The following TENM3 variants were observed in gnomAD, a reference collection of about 807,000 sequenced individuals.
TENM3 encodes teneurin transmembrane protein 3.
Under a neutral mutation model 255.1 loss-of-function variants are expected in TENM3, and 63 were observed. That is an observed-to-expected ratio of 0.25 (90% CI 0.20 to 0.30). The LOEUF (loss-of-function observed/expected upper bound fraction) is 0.30, where lower values mean the gene tolerates loss of function less well. Ranked by LOEUF, TENM3 falls within the 10% of genes least tolerant of loss-of-function variation. The pLI is 1.00. For synonymous variants in TENM3, 1,306 were observed against 1,322.3 expected (o/e 0.99, Z 0.27); for missense variants, 2,929 against 3,461.1 (o/e 0.85, Z 3.86).
intron 3 of TENM3, among the ~76,000 whole-genome samples, chr4:182,445,886 T>C (rs527541147): frequency 9.8e-5 from 15 of 152,338 alleles, no homozygotes; most frequent in African/African-American, 3.4e-4. Flanking sequence ...TAGAAGGCGA[T>C]ATCCATAATG....
the TENM3 span, among the ~76,000 whole-genome samples, chr4:182,015,564 T>TTA: frequency 6.6e-6 from 1 of 151,842 alleles, no homozygotes; most frequent in East Asian, 1.9e-4. Context: ...ATTTATTTAT[T>TTA]TATTTATTTA....
At chr4:182,536,719 C>G (rs867862304) in intron 3 of TENM3, among the ~76,000 whole-genome samples, 14 of 152,174 alleles carry the variant, frequency 9.2e-5, no homozygotes, top group African/African-American at 3.1e-4. Context: ...CTTCATTCCT[C>G]AGCATGGAGC....
chr4:181,779,972 C>CT, the TENM3 span, among the ~76,000 whole-genome samples: 1 of 152,006 alleles, frequency 6.6e-6, no homozygotes, highest in African/African-American at 2.4e-5. Context: ...TGAACTCATC[C>CT]TTTTTATGGC....
chr4:181,839,344 GGTATATAT>G, the TENM3 span, among the ~76,000 whole-genome samples: 15 of 43,896 alleles, frequency 3.4e-4, no homozygotes, highest in Non-Finnish European at 5.5e-4. Flanking sequence ...ATGTATTGAG[GGTATATAT>G]ATATATATAT....
chr4:181,645,482 A>G, the TENM3 span, among the ~76,000 whole-genome samples: 5 of 152,334 alleles, frequency 3.3e-5, no homozygotes, highest in East Asian at 9.7e-4. Flanking sequence ...GTCCCCGGTC[A>G]TCTCACCCTT....
At chr4:181,709,062 A>AAGCTGTGT in the TENM3 span, among the ~76,000 whole-genome samples, 1 of 152,226 alleles carries the variant, frequency 6.6e-6, no homozygotes, top group African/African-American at 2.4e-5. Context: ...ATACTTACAA[A>AAGCTGTGT]AGCTGTGTAT....
chr4:181,606,409 G>A, the TENM3 span, among the ~76,000 whole-genome samples: 3 of 152,152 alleles, frequency 2.0e-5, no homozygotes, highest in Non-Finnish European at 4.4e-5. Flanking sequence ...ACCTCTGCAG[G>A]TGTTCTTCTC....
At chr4:181,976,055 G>A in the TENM3 span, 1 of 152,150 alleles carries the variant, frequency 6.6e-6, no homozygotes, top group African/African-American at 2.4e-5. Flanking sequence ...TCTGTGTGTA[G>A]AATTCCCTTT....
At chr4:182,307,672 T>A (rs1762216949) in intron 1 of TENM3, among the ~76,000 whole-genome samples, 1 of 152,160 alleles carries the variant, frequency 6.6e-6, no homozygotes, top group Non-Finnish European at 1.5e-5. Context: ...CAAAATTAGA[T>A]CATATTTTCT....
At chr4:181,890,223 C>G in the TENM3 span, among the ~76,000 whole-genome samples, 1 of 152,162 alleles carries the variant, frequency 6.6e-6, no homozygotes, top group Non-Finnish European at 1.5e-5. Flanking sequence ...ACATCAGCCA[C>G]CAGCTTTAGG....
the TENM3 span, among the ~76,000 whole-genome samples, chr4:182,084,166 C>A: frequency 6.6e-6 from 1 of 152,038 alleles, no homozygotes; most frequent in Admixed American, 6.6e-5. Context: ...ATATGGCCTC[C>A]CGCAGACTCG....
At chr4:182,679,622 C>T (rs751208926) in intron 7 of TENM3, 44 bp from the exon 8 acceptor site, 1 of 1,460,422 alleles carries the variant, frequency 6.8e-7, no homozygotes, top group South Asian at 1.2e-5. Context: ...AGAGAAGCAG[C>T]CACCCTTTAT....
intron 12 of TENM3, among the ~76,000 whole-genome samples, chr4:182,696,580 C>T (rs1373521777): frequency 1.3e-5 from 2 of 152,064 alleles, no homozygotes. Context: ...CAAAAATTAG[C>T]TGGATGTGGT....
intron 3 of TENM3, among the ~76,000 whole-genome samples, chr4:182,572,182 G>T (rs895790773): frequency 1.3e-5 from 2 of 152,208 alleles, no homozygotes; most frequent in African/African-American, 4.8e-5. Context: ...GATTACAGGC[G>T]TGAGCCACTG....
chr4:181,914,486 C>G, the TENM3 span, among the ~76,000 whole-genome samples: 1 of 152,134 alleles, frequency 6.6e-6, no homozygotes, highest in African/African-American at 2.4e-5. Flanking sequence ...TATATCGTGT[C>G]TCTCCTAATG....
the TENM3 span, among the ~76,000 whole-genome samples, chr4:182,052,539 T>G: frequency 2.6e-5 from 4 of 152,150 alleles, no homozygotes; most frequent in African/African-American, 7.2e-5. Context: ...AGGTTGTACC[T>G]TTTCCCTCGT....
chr4:182,590,556 A>AAG (rs1553993542), intron 3 of TENM3, among the ~76,000 whole-genome samples: 4 of 150,340 alleles, frequency 2.7e-5, no homozygotes, highest in African/African-American at 9.8e-5. Context: ...AAAAAAAAAA[A>AAG]AAAAAGAAAA....
the TENM3 span, among the ~76,000 whole-genome samples, chr4:181,954,278 G>T: frequency 6.6e-6 from 1 of 152,104 alleles, no homozygotes; most frequent in Non-Finnish European, 1.5e-5. Flanking sequence ...CATTGTCTTT[G>T]ATAAATTCCT....
chr4:182,102,352 C>G, the TENM3 span, among the ~76,000 whole-genome samples: 1 of 152,188 alleles, frequency 6.6e-6, no homozygotes, highest in African/African-American at 2.4e-5. Context: ...CATGTGTCCA[C>G]ATGAGATTAG....
Sources: gnomAD v4.1 joint callset for allele counts (sites outside exome capture counted in the v4.1 genomes callset) on GRCh38, gnomAD v4.1.1 for gene constraint, MANE v1.5 for transcripts, NCBI Gene and HGNC (gene_info 2026-07-23, HGNC 2026-07-21) for gene names.